Variants in TAGLN observed in about 807,000 individuals in gnomAD.
TAGLN encodes 22 kDa actin-binding protein.
In TAGLN, 16 loss-of-function variants were observed where a neutral mutation model predicts 21.9. The observed-to-expected ratio is 0.73, with a 90% confidence interval of 0.49 to 1.11. The LOEUF is 1.11. Ranked by LOEUF, TAGLN falls within the 50% of genes least tolerant of loss-of-function variation. The pLI is 0.00. For synonymous variants in TAGLN, 96 were observed against 94.9 expected (o/e 1.01, Z -0.06); for missense variants, 248 against 263.2 (o/e 0.94, Z 0.40).
In TAGLN at chr11:117,204,721, C is replaced by T. The variant is rs1322926794; in HGVS notation, c.*362C>T. The T allele has an allele frequency of 2.9e-6, 1 of 348,072 alleles. No homozygotes were observed. Among genetic ancestry groups the T allele is most frequent in the Non-Finnish European group, 5.5e-6 (1 of 182,056 alleles). The allele number at this position is 348,072 out of a possible 1,614,324, so 21.6% of individuals were successfully genotyped here. ...ATTGAAGAAGAACCAGCCCAGCCTG[C>T]CCCCTATCTTGTCCTGGAATATTTT... On this transcript the variant is annotated 3_prime_UTR_variant, in exon 5 of 5. Coordinates refer to ENST00000392951, the MANE Select transcript of TAGLN (RefSeq NM_003186.5).
Position 117,203,576 on chromosome 11 carries a change from G to T in TAGLN, c.358+92G>T. The T allele has an allele frequency of 1.4e-6, 2 of 1,481,442 alleles. No individual in the cohort carries two copies. The highest frequency in any genetic ancestry group is 4.6e-5 in the East Asian group (2 of 43,220). The allele number at this position is 1,481,442 out of a possible 1,614,324, so 91.8% of individuals were successfully genotyped here. ...TGACCAGAATATGCCACAACTAGGG[G>T]TGTGCTTGCCCGCACACAGCAGGGA... is the stretch of plus-strand genomic sequence containing the variant. On this transcript the variant is annotated intron_variant, in intron 3 of 4. Transcript: ENST00000392951. This position sits in a 1 kb window ranked among gnomAD's most constrained non-coding sequence, Gnocchi z 4.4.
At chr11:117,200,806 G>T (rs1014611975) in intron 1 of TAGLN, among the ~76,000 whole-genome samples, 1 of 152,156 alleles carries the variant, frequency 6.6e-6, no homozygotes, top group African/African-American at 2.4e-5. Flanking sequence ...GAGACTGGAA[G>T]CTGGGGGTAG....
At position 117,204,314 on chromosome 11, in the gene TAGLN, G is replaced by A; in HGVS notation, c.561G>A (p.Gln187=). The A allele has an allele frequency of 6.2e-7, 1 of 1,614,264 alleles. No individual in the cohort carries two copies. The highest frequency in any genetic ancestry group is 8.5e-7 in the Non-Finnish European group (1 of 1,180,054). ...TGGGCAGCAACAGAGGGGCCTCCCA[G>A]GCCGGCATGACAGGCTACGGACGAC... ...LQMGSNRGAS[Q]AGMTGYGRPR... The change falls in exon 5 of 5, where the codon CAG becomes CAA. Residue 187 remains glutamine (Q), a synonymous_variant. Transcript: ENST00000392951.
chr11:117,203,234 G>T lies in TAGLN; in HGVS notation c.180+41G>T. On this transcript the variant is annotated intron_variant, in intron 2 of 4. Transcript: ENST00000392951. This position sits in a 1 kb window ranked among gnomAD's most constrained non-coding sequence, Gnocchi z 4.4. Reference sequence around the variant, plus strand: ...GGCTAGGGCGCTGGGGGGCTGGGGTGTGCCACCCTGTGAGTCCTGGGCCAA... The same window carrying T: ...GGCTAGGGCGCTGGGGGGCTGGGGTTTGCCACCCTGTGAGTCCTGGGCCAA... 6.3e-7 allele frequency: 1 copy of T among 1,596,106 alleles called. No individual in the cohort carries two copies. The highest frequency in any genetic ancestry group is 8.6e-7 in the Non-Finnish European group (1 of 1,167,270).
chr11:117,204,117 A>G (rs1353068218), intron 4 of TAGLN, 98 bp from the exon 5 acceptor site: 2 of 1,548,482 alleles, frequency 1.3e-6, no homozygotes, highest in Non-Finnish European at 1.8e-6. Context: ...TGCAACAGGA[A>G]GGCAATGGGA....
chr11:117,204,247 A>T lies in TAGLN; in HGVS notation c.494A>T (p.Glu165Val), dbSNP rs759950204. ...CAGGAGCATAAGAGGGAATTCACAG[A>T]GAGCCAGCTGCAGGAGGGAAAGCAT... ...KAQEHKREFT[E>V]SQLQEGKHVI... Residue 165 changes from glutamate to valine, a missense_variant, in exon 5 of 5, where the codon GAG becomes GTG. By Grantham distance (121) the Glu-to-Val change is moderately radical. Transcript: ENST00000392951. 6.2e-7 allele frequency: 1 copy of T among 1,614,244 alleles called. No homozygotes were observed. The highest frequency in any genetic ancestry group is 1.7e-5 in the Admixed American group (1 of 60,030).
Position 117,204,506 on chromosome 11 carries a change from T to TGGGCAGCTCCTCCCTGTGCCCCC in TAGLN, c.*148_*170dup. The TGGGCAGCTCCTCCCTGTGCCCCC allele has an allele frequency of 8.0e-7, 1 of 1,244,722 alleles. No individual in the cohort carries two copies. The highest frequency in any genetic ancestry group is 1.1e-6 in the Non-Finnish European group (1 of 873,206). The allele number at this position is 1,244,722 out of a possible 1,614,324, so 77.1% of individuals were successfully genotyped here. ...GTCACTGAGCAATGGTAACTGCACC[T>TGGGCAGCTCCTCCCTGTGCCCCC]GGGCAGCTCCTCCCTGTGCCCCCAG... On this transcript the variant is annotated 3_prime_UTR_variant, in exon 5 of 5. Transcript: ENST00000392951.
chr11:117,202,096 GCTTC>G (rs2031119649), intron 1 of TAGLN: 1 of 152,406 alleles, frequency 6.6e-6, no homozygotes, highest in Non-Finnish European at 1.5e-5. Flanking sequence ...ATGGGGCCAG[GCTTC>G]CCATTCCCTG....
rs1039919514 is a variant in TAGLN, at chr11:117,204,952, G to C, written c.*593G>C. On this transcript the variant is annotated 3_prime_UTR_variant, in exon 5 of 5. Transcript: ENST00000392951. ...ATTCCAGGACAGTCAGATTCTTTCA[G>C]AGGAAACAGGCCATAGAACAGGAGA... is the stretch of plus-strand genomic sequence containing the variant. 2.0e-5 allele frequency: 4 copies of C among 200,252 alleles called. No homozygotes were observed. The highest frequency in any genetic ancestry group is 1.0e-5 in the Non-Finnish European group (1 of 95,440). 12.4% of individuals were successfully genotyped at this position (200,252 alleles called of 1,614,324 possible).
Position 117,204,724 on chromosome 11 carries a change from C to G in TAGLN, c.*365C>G. ...GAAGAAGAACCAGCCCAGCCTGCCCCCTATCTTGTCCTGGAATATTTTTGG... is the reference window on the plus strand; with the variant it reads ...GAAGAAGAACCAGCCCAGCCTGCCCGCTATCTTGTCCTGGAATATTTTTGG... On this transcript the variant is annotated 3_prime_UTR_variant, in exon 5 of 5. Transcript: ENST00000392951. 3.0e-6 allele frequency: 1 copy of G among 330,780 alleles called. No homozygotes were observed. Among genetic ancestry groups the G allele is most frequent in the Non-Finnish European group, 5.8e-6 (1 of 173,214 alleles). 20.5% of individuals were successfully genotyped at this position (330,780 alleles called of 1,614,324 possible).
Position 117,203,875 on chromosome 11 carries a change from G to C in TAGLN, c.452G>C (p.Trp151Ser). 1.2e-6 allele frequency: 2 copies of C among 1,613,928 alleles called. No individual in the cohort carries two copies. ...GGGCACTACCGTGGAGATCCCAACTGGTTTATGAAGTATGTGGCCCCCAGG... is the reference window on the plus strand; with the variant it reads ...GGGCACTACCGTGGAGATCCCAACTCGTTTATGAAGTATGTGGCCCCCAGG... ...NDGHYRGDPN[W>S]FMKKAQEHKR... Residue 151 changes from tryptophan (W) to serine (S), a missense_variant, in exon 4 of 5, where the codon TGG (tryptophan) becomes TCG (serine). Physicochemically the swap from Trp to Ser is radical, Grantham distance 177. Coordinates refer to ENST00000392951, the MANE Select transcript of TAGLN (RefSeq NM_003186.5). The surrounding 1 kb of genome is among the most constrained non-coding windows in gnomAD (Gnocchi z 4.4).
Position 117,203,951 on chromosome 11 carries a change from C to A in TAGLN, c.461+67C>A. ...GAGGTGGCTTGTTCTAAGGAGCTTG[C>A]GGGAAGGATTAGGGGAAGCAGATAG... On this transcript the variant is annotated intron_variant, in intron 4 of 4. Coordinates refer to ENST00000392951, the MANE Select transcript of TAGLN (RefSeq NM_003186.5). This position sits in a 1 kb window ranked among gnomAD's most constrained non-coding sequence, Gnocchi z 4.4. 2 of 1,404,112 alleles carry A rather than the reference C, an allele frequency of 1.4e-6. No individual in the cohort carries two copies. Among genetic ancestry groups the A allele is most frequent in the Non-Finnish European group, 1.0e-6 (1 of 992,380 alleles). The allele number at this position is 1,404,112 out of a possible 1,614,324, so 87.0% of individuals were successfully genotyped here.
intron 1 of TAGLN, chr11:117,202,683 T>C (rs2031147522): frequency 5.4e-6 from 1 of 185,240 alleles, no homozygotes; most frequent in Non-Finnish European, 1.1e-5. Flanking sequence ...TTACATATTG[T>C]CTATGGCTGC....
In TAGLN at chr11:117,203,322, G is replaced by A; in HGVS notation, c.196G>A (p.Val66Met). ...TGCCTGGTAGATTCTGAGCAAGCTG[G>A]TGAACAGCCTGTACCCTGATGGCTC... ...LKNGVILSKL[V>M]NSLYPDGSKP... The change falls in exon 3 of 5, where the codon GTG becomes ATG. Residue 66 changes from valine to methionine, a missense_variant. Coordinates refer to ENST00000392951, the MANE Select transcript of TAGLN (RefSeq NM_003186.5). The surrounding 1 kb of genome is among the most constrained non-coding windows in gnomAD (Gnocchi z 4.4). The A allele has an allele frequency of 1.2e-6, 2 of 1,614,182 alleles. No homozygotes were observed. Among genetic ancestry groups the A allele is most frequent in the Non-Finnish European group, 1.7e-6 (2 of 1,180,020 alleles).
intron 1 of TAGLN, among the ~76,000 whole-genome samples, chr11:117,200,509 G>A (rs1490362332): frequency 2.6e-5 from 4 of 152,136 alleles, no homozygotes; most frequent in Non-Finnish European, 4.4e-5. Context: ...TGGGGGGGCC[G>A]CCCTGTAATC....
chr11:117,204,114 G>C lies in TAGLN; in HGVS notation c.462-101G>C. ...TAGATTAGGGAAAAAAAGTGCAACA[G>C]GAAGGCAATGGGATTGGGCTAGGAC... On this transcript the variant is annotated intron_variant, in intron 4 of 4. Coordinates refer to ENST00000392951, the MANE Select transcript of TAGLN (RefSeq NM_003186.5). 1.9e-6 allele frequency: 3 copies of C among 1,543,266 alleles called. No homozygotes were observed. The South Asian group carries it at 3.6e-5, about 19-fold the overall frequency.
rs776670739 is a variant in TAGLN at position 117,204,429 on chromosome 11, C to G, written c.*70C>G. 6.2e-7 allele frequency: 1 copy of G among 1,607,178 alleles called. No homozygotes were observed. The highest frequency in any genetic ancestry group is 2.2e-5 in the East Asian group (1 of 44,598). Reference sequence around the variant, plus strand: ...GGCTGCAGCCATCCCGCTTAGCCTGCCTCACCCACACCCGTGTGGTACCTT... The same window carrying G: ...GGCTGCAGCCATCCCGCTTAGCCTGGCTCACCCACACCCGTGTGGTACCTT... On this transcript the variant is annotated 3_prime_UTR_variant, in exon 5 of 5. Transcript: ENST00000392951.
At position 117,203,226 on chromosome 11, in the gene TAGLN, G is replaced by A. The variant is rs1337345936; in HGVS notation, c.180+33G>A. On this transcript the variant is annotated intron_variant, in intron 2 of 4. Transcript: ENST00000392951. The surrounding 1 kb of genome is among the most constrained non-coding windows in gnomAD (Gnocchi z 4.4). ...GCACCCTGGGCTAGGGCGCTGGGGG[G>A]CTGGGGTGTGCCACCCTGTGAGTCC... 5 of 1,594,540 alleles carry A rather than the reference G, an allele frequency of 3.1e-6. No individual in the cohort carries two copies. Among genetic ancestry groups the A allele is most frequent in the East Asian group, 2.2e-5 (1 of 44,460 alleles).
chr11:117,202,978 C>G, intron 1 of TAGLN, 24 bp from the exon 2 acceptor site: 3 of 1,525,824 alleles, frequency 2.0e-6, no homozygotes, highest in Non-Finnish European at 2.6e-6. Flanking sequence ...CTGCCCCTCC[C>G]TCCTCCACCC....
Sources: gnomAD v4.1 joint callset for allele counts (sites outside exome capture counted in the v4.1 genomes callset) on GRCh38, gnomAD v4.1.1 for gene constraint, Gnocchi (gnomAD v3.1) non-coding constraint, MANE v1.5 for transcripts, NCBI Gene and HGNC (gene_info 2026-07-23, HGNC 2026-07-21) for gene names.